Variants in FER1L6 observed in about 807,000 individuals in gnomAD.
FER1L6 encodes fer-1 like family member 6, also known as fer-1-like protein 6.
A neutral mutation model predicts 219.2 loss-of-function variants in FER1L6; 177 were observed. The observed-to-expected ratio is 0.81, with a 90% CI of 0.71 to 0.91. The LOEUF is 0.91. FER1L6 is among the 40% of genes least tolerant of loss of function. The pLI is 0.00. For missense variants in FER1L6, 2,153 were observed against 2,259.9 expected (o/e 0.95, Z 0.96); for synonymous variants, 768 against 824.3 (o/e 0.93, Z 1.17).
intron 1 of FER1L6, among the ~76,000 whole-genome samples, chr8:123,930,349 AT>A (rs35908666): frequency 2.0e-5 from 3 of 151,030 alleles, no homozygotes; most frequent in African/African-American, 4.9e-5. Flanking sequence ...CCTCCCTGAC[AT>A]TTTTTTTTGT....
rs930147430 is a variant in FER1L6 at position 123,868,962 on chromosome 8, A to G, written c.-8+16777A>G. On this transcript the variant is annotated intron_variant, in intron 1 of 40. Transcript: ENST00000522917. Reference sequence around the variant, plus strand: ...CAGGTAGGGAGAGTTGTGAGCTGTCATCTATCAGGTTAGTCTGAGTTATGC... The same window carrying G: ...CAGGTAGGGAGAGTTGTGAGCTGTCGTCTATCAGGTTAGTCTGAGTTATGC... Among the ~76,000 whole-genome samples the G allele has an allele frequency of 2.0e-4, 30 of 152,282 alleles. No individual in the cohort carries two copies. The South Asian group carries it at 3.5e-3, about 18-fold the overall frequency.
intron 12 of FER1L6, among the ~76,000 whole-genome samples, chr8:123,986,956 G>A (rs1816615091): frequency 6.6e-6 from 1 of 152,164 alleles, no homozygotes; most frequent in Non-Finnish European, 1.5e-5. Context: ...CCTAGCTATT[G>A]TAAATAGTGC....
chr8:123,927,846 GC>G (rs1813625496), intron 1 of FER1L6, among the ~76,000 whole-genome samples: 1 of 152,138 alleles, frequency 6.6e-6, no homozygotes, highest in Admixed American at 6.5e-5. Context: ...TCTTTATGAA[GC>G]TTTACTGAAT....
intron 1 of FER1L6, among the ~76,000 whole-genome samples, chr8:123,855,603 C>T (rs1031708938): frequency 6.6e-6 from 1 of 150,742 alleles, no homozygotes; most frequent in Non-Finnish European, 1.5e-5. Context: ...CGGCTGTCTT[C>T]CCACTGGACC....
At chr8:123,952,579 T>C (rs1283069434) in intron 1 of FER1L6, among the ~76,000 whole-genome samples, 1 of 152,138 alleles carries the variant, frequency 6.6e-6, no homozygotes, top group Non-Finnish European at 1.5e-5. Flanking sequence ...GTGGGAGGGT[T>C]CTCATGCTGG....
At chr8:124,031,209 C>T (rs1818952139) in intron 18 of FER1L6, among the ~76,000 whole-genome samples, 1 of 151,814 alleles carries the variant, frequency 6.6e-6, no homozygotes, top group African/African-American at 2.4e-5. Flanking sequence ...AATCAATTCA[C>T]AAAAGGTAGA....
chr8:124,075,963 A>AATAT (rs1392334067), intron 31 of FER1L6, among the ~76,000 whole-genome samples: 1 of 152,202 alleles, frequency 6.6e-6, no homozygotes, highest in African/African-American at 2.4e-5. Flanking sequence ...GGGCAAAGCC[A>AATAT]ATAATTTTTC....
rs147227094 is a variant in FER1L6, at chr8:123,872,478, G to A, written c.-8+20293G>A. 2.1e-4 allele frequency among the ~76,000 whole-genome samples: 32 copies of A among 152,302 alleles called. No individual in the cohort carries two copies. The East Asian group carries it at 5.2e-3, about 25-fold the overall frequency. On this transcript the variant is annotated intron_variant, in intron 1 of 40. Coordinates refer to ENST00000522917, the MANE Select transcript of FER1L6 (RefSeq NM_001039112.2). ...AGAGGTGGTAGTTAAATGTAATGGG[G>A]TGCCCTAGATGGGATGCTGGAGCGG...
intron 5 of FER1L6, 102 bp from the exon 6 acceptor site, chr8:123,969,933 C>T (rs987220570): frequency 1.2e-6 from 1 of 825,110 alleles, no homozygotes; most frequent in East Asian, 2.5e-5. Flanking sequence ...TATATTCATG[C>T]AGCAGTTGGT....
At chr8:124,115,464 TC>T (rs1823206528) in intron 39 of FER1L6, among the ~76,000 whole-genome samples, 1 of 152,100 alleles carries the variant, frequency 6.6e-6, no homozygotes, top group African/African-American at 2.4e-5. Context: ...GCAAGGCTCT[TC>T]ATGATGATAA....
intron 39 of FER1L6, among the ~76,000 whole-genome samples, chr8:124,106,397 A>G (rs1399081752): frequency 2.0e-5 from 3 of 151,162 alleles, no homozygotes; most frequent in Admixed American, 6.6e-5. Flanking sequence ...TTATATCTCA[A>G]TTGTTTAAAA....
At chr8:124,028,962 G>A (rs1034822040) in intron 18 of FER1L6, among the ~76,000 whole-genome samples, 19 of 151,938 alleles carry the variant, frequency 1.3e-4, no homozygotes, top group African/African-American at 1.9e-4. Flanking sequence ...GACAGGCCCC[G>A]GTGTGTGATG....
chr8:124,056,332 T>G (rs1231949616), intron 22 of FER1L6, among the ~76,000 whole-genome samples: 1 of 152,242 alleles, frequency 6.6e-6, no homozygotes, highest in East Asian at 1.9e-4. Flanking sequence ...CCTACGGTTG[T>G]GCACTGTGCA....
At chr8:123,936,478 T>TC (rs374221490) in intron 1 of FER1L6, among the ~76,000 whole-genome samples, 32,171 of 143,204 alleles carry the variant, frequency 0.22, 4,117 homozygotes, top group East Asian at 0.41. Context: ...TTTTTTTTTT[T>TC]TTTTTTTTGT....
intron 18 of FER1L6, among the ~76,000 whole-genome samples, chr8:124,024,756 T>G (rs1818630056): frequency 6.6e-6 from 1 of 152,194 alleles, no homozygotes; most frequent in Admixed American, 6.5e-5. Context: ...GGTAGATCTA[T>G]TTTTAGTTCT....
intron 38 of FER1L6, among the ~76,000 whole-genome samples, chr8:124,102,769 A>G (rs1273073088): frequency 1.3e-5 from 2 of 152,088 alleles, no homozygotes; most frequent in Admixed American, 6.5e-5. Context: ...TGGGGTGAGG[A>G]GGCTCTCATG....
intron 1 of FER1L6, among the ~76,000 whole-genome samples, chr8:123,912,654 G>C (rs1813074966): frequency 6.6e-6 from 1 of 152,126 alleles, no homozygotes; most frequent in Admixed American, 6.5e-5. Context: ...CTGAGACTGA[G>C]AGAGGTAAAG....
chr8:124,104,500 G>A (rs1381950026), intron 39 of FER1L6, among the ~76,000 whole-genome samples: 1 of 152,182 alleles, frequency 6.6e-6, no homozygotes, highest in African/African-American at 2.4e-5. Context: ...ACAATGAAAA[G>A]GCATTTTATA....
chr8:123,856,312 A>ATGTGTGTGTGTGTG lies in FER1L6; in HGVS notation c.-8+4132_-8+4133insGTGTGTGTGTGTGT, dbSNP rs1266081655. Among the ~76,000 whole-genome samples the ATGTGTGTGTGTGTG allele has an allele frequency of 4.4e-4, 23 of 52,798 alleles. 1 individual carries two copies. The highest frequency in any genetic ancestry group is 6.6e-4 in the Non-Finnish European group (17 of 25,770). 34.6% of individuals were successfully genotyped at this position (52,798 alleles called of 152,430 possible). A position where few individuals can be genotyped will look rare whatever the true frequency, so the allele number is the denominator to read the frequency against. ...TGTGTGTATATATATATATATATGT[A>ATGTGTGTGTGTGTG]TGTGTATATATATATATATATATAT... On this transcript the variant is annotated intron_variant, in intron 1 of 40. Coordinates refer to ENST00000522917, the MANE Select transcript of FER1L6 (RefSeq NM_001039112.2).
Sources: gnomAD v4.1 joint callset for allele counts (sites outside exome capture counted in the v4.1 genomes callset) on GRCh38, gnomAD v4.1.1 for gene constraint, MANE v1.5 for transcripts, NCBI Gene and HGNC (gene_info 2026-07-23, HGNC 2026-07-21) for gene names.